The following BCAR3 variants were observed in gnomAD, a reference collection of about 807,000 sequenced individuals.
BCAR3 encodes breast cancer anti-estrogen resistance protein 3.
A neutral mutation model predicts 80.1 loss-of-function variants in BCAR3; 37 were observed. The observed-to-expected ratio is 0.46, with a 90% CI of 0.36 to 0.61. The LOEUF (loss-of-function observed/expected upper bound fraction) is 0.61. BCAR3 is among the 20% of genes least tolerant of loss of function. The pLI, the probability that BCAR3 is intolerant of heterozygous loss-of-function variation, is 0.00. For missense variants in BCAR3, 978 were observed against 1,068.2 expected, an observed-to-expected ratio of 0.92 and a Z score of 1.18; for synonymous variants, 389 against 418.9, an observed-to-expected ratio of 0.93 and a Z score of 0.87.
At chr1:93,676,684 G>C (rs965966350) in intron 1 of BCAR3, among the ~76,000 whole-genome samples, 8 of 152,152 alleles carry the variant, frequency 5.3e-5, no homozygotes, top group African/African-American at 1.9e-4. Context: ...GAACACAAGT[G>C]ACGTAAACCG....
intron 2 of BCAR3, among the ~76,000 whole-genome samples, chr1:93,824,067 C>T (rs566669220): frequency 3.0e-5 from 4 of 133,864 alleles, no homozygotes; most frequent in African/African-American, 1.0e-4. Context: ...AAACTAGAAT[C>T]CAGAAGATCA....
chr1:93,654,312 C>A (rs1011639798), intron 2 of BCAR3, among the ~76,000 whole-genome samples: 1 of 152,104 alleles, frequency 6.6e-6, no homozygotes. Flanking sequence ...ATGTGAGGGA[C>A]CCTGCCGCTG....
chr1:93,670,223 C>G (rs1648139821), intron 2 of BCAR3, among the ~76,000 whole-genome samples: 1 of 152,196 alleles, frequency 6.6e-6, no homozygotes, highest in Non-Finnish European at 1.5e-5. Flanking sequence ...GCTTGCAGAA[C>G]AAAGGCTCCT....
chr1:93,622,179 G>A (rs116320564), intron 3 of BCAR3, among the ~76,000 whole-genome samples: 1,725 of 152,248 alleles, frequency 0.011, 21 homozygotes, highest in Non-Finnish European at 0.013. Context: ...GATTACAGGC[G>A]TGAGCCACCA....
At chr1:93,772,549 G>A (rs1423653816) in intron 2 of BCAR3, among the ~76,000 whole-genome samples, 1 of 152,036 alleles carries the variant, frequency 6.6e-6, no homozygotes, top group Non-Finnish European at 1.5e-5. Context: ...TCCTTTTGGG[G>A]TATTGAAATC....
At chr1:93,567,681 G>T in intron 10 of BCAR3, 59 bp downstream of exon 10, 1 of 1,514,768 alleles carries the variant, frequency 6.6e-7, no homozygotes, top group Non-Finnish European at 9.2e-7. Context: ...CATGCCCTGT[G>T]TACTTGTACT....
intron 2 of BCAR3, among the ~76,000 whole-genome samples, chr1:93,740,991 T>C (rs1221892931): frequency 6.6e-6 from 1 of 152,228 alleles, no homozygotes; most frequent in Non-Finnish European, 1.5e-5. Context: ...CAGCTGCAGA[T>C]GGCCAGGGTG....
intron 2 of BCAR3, among the ~76,000 whole-genome samples, chr1:93,779,219 T>G (rs1195107647): frequency 2.0e-5 from 3 of 152,156 alleles, no homozygotes; most frequent in South Asian, 2.1e-4. Flanking sequence ...ATCGTTAGAG[T>G]AGCAACAACT....
At chr1:93,708,794 C>T (rs1649912684) in intron 2 of BCAR3, among the ~76,000 whole-genome samples, 3 of 152,150 alleles carry the variant, frequency 2.0e-5, no homozygotes, top group Admixed American at 1.3e-4. Context: ...TCTTTCTTTC[C>T]AAAGAACAAT....
intron 2 of BCAR3, among the ~76,000 whole-genome samples, chr1:93,766,770 CA>C (rs1652166051): frequency 6.6e-6 from 1 of 152,186 alleles, no homozygotes; most frequent in Admixed American, 6.5e-5. Flanking sequence ...TGGAGGTTTC[CA>C]GGGAATTTAT....
chr1:93,572,498 C>T (rs1246234826), intron 8 of BCAR3, among the ~76,000 whole-genome samples: 1 of 152,204 alleles, frequency 6.6e-6, no homozygotes, highest in African/African-American at 2.4e-5. Flanking sequence ...CCCAACAAAC[C>T]TCCCTTTTCT....
chr1:93,590,059 C>G (rs1373313738), intron 4 of BCAR3, among the ~76,000 whole-genome samples: 1 of 152,126 alleles, frequency 6.6e-6, no homozygotes, highest in Non-Finnish European at 1.5e-5. Context: ...GAGGAGGAGT[C>G]CACATGCAGG....
At chr1:93,759,898 G>C (rs1168206474) in intron 2 of BCAR3, among the ~76,000 whole-genome samples, 2 of 152,130 alleles carry the variant, frequency 1.3e-5, no homozygotes, top group Non-Finnish European at 2.9e-5. Context: ...CCCCTCGCTG[G>C]TCTCAAAGGT....
intron 2 of BCAR3, among the ~76,000 whole-genome samples, chr1:93,664,248 T>C (rs1647793188): frequency 6.6e-6 from 1 of 152,214 alleles, no homozygotes; most frequent in Admixed American, 6.5e-5. Context: ...GCCTCTCAAA[T>C]AGCTGGACTT....
At position 93,844,114 on chromosome 1, in the gene BCAR3, C is replaced by T. The variant is rs111726516; in HGVS notation, c.-63+1453G>A. ...ACAAGGTCAGGAGTTCAAGACCTGC[C>T]TGGACAACATGGTGAAACCCCATCT... On this transcript the variant is annotated intron_variant, in intron 2 of 13. Transcript: ENST00000370244. Among the ~76,000 whole-genome samples, 142 of 152,270 alleles carry T rather than the reference C, an allele frequency of 9.3e-4. 3 individuals carry two copies. The highest frequency in any genetic ancestry group is 3.3e-3 in the African/African-American group (137 of 41,540).
At chr1:93,614,050 A>G (rs1675031539) in intron 3 of BCAR3, 1 of 1,453,350 alleles carries the variant, frequency 6.9e-7, no homozygotes, top group Non-Finnish European at 9.1e-7. Flanking sequence ...GAAGTCAGGG[A>G]AGTCGGCAGC....
At chr1:93,724,465 G>C (rs1650511347) in intron 2 of BCAR3, among the ~76,000 whole-genome samples, 1 of 152,238 alleles carries the variant, frequency 6.6e-6, no homozygotes, top group Non-Finnish European at 1.5e-5. Flanking sequence ...ATTTGTACAT[G>C]TAAGTGGTGC....
chr1:93,844,255 C>T (rs1370115608), intron 2 of BCAR3, among the ~76,000 whole-genome samples: 2 of 152,058 alleles, frequency 1.3e-5, no homozygotes, highest in Admixed American at 6.6e-5. Context: ...TGCAGTGAGC[C>T]AAGATCATGC....
intron 3 of BCAR3, among the ~76,000 whole-genome samples, chr1:93,636,147 C>T (rs373441002): frequency 2.0e-5 from 3 of 152,156 alleles, no homozygotes; most frequent in East Asian, 3.8e-4. Flanking sequence ...ACCTAGAAGA[C>T]CCTTGGGGAA....
Sources: allele counts gnomAD v4.1 joint callset (sites outside exome capture counted in the v4.1 genomes callset), GRCh38; gene constraint gnomAD v4.1.1; transcripts MANE v1.5; gene names NCBI Gene and HGNC (gene_info 2026-07-23, HGNC 2026-07-21).